Variants in MPRIP observed in about 807,000 individuals in gnomAD.
MPRIP encodes the protein myosin phosphatase Rho-interacting protein.
MPRIP carries 59 observed loss-of-function variants against 234.9 expected under a neutral mutation model. The ratio of observed to expected loss-of-function variants is 0.25; its 90% confidence interval spans 0.20 to 0.31. The LOEUF (loss-of-function observed/expected upper bound fraction) is 0.31. Ranked by LOEUF, MPRIP falls within the 10% of genes least tolerant of loss-of-function variation. The probability of loss-of-function intolerance (pLI) is 1.00; values close to 1 mark genes in which losing one functional copy is unlikely to be tolerated. For synonymous variants in MPRIP, 1,144 were observed against 1,263.9 expected (o/e 0.91, Z 2.01); for missense variants, 2,436 against 3,071.0 (o/e 0.79, Z 4.89).
intron 1 of MPRIP, among the ~76,000 whole-genome samples, chr17:17,052,153 C>T (rs899090755): frequency 2.6e-5 from 4 of 152,200 alleles, no homozygotes; most frequent in Admixed American, 6.5e-5. Context: ...AGCAATGGGG[C>T]CGTGATACAG....
At chr17:17,117,306 A>G (rs1766925701) in intron 3 of MPRIP, among the ~76,000 whole-genome samples, 2 of 152,366 alleles carry the variant, frequency 1.3e-5, no homozygotes, top group South Asian at 4.1e-4. Context: ...GTCTTGTGAC[A>G]GAAGGGGGTA....
chr17:17,155,884 C>T (rs957925674), intron 13 of MPRIP, among the ~76,000 whole-genome samples: 1 of 152,236 alleles, frequency 6.6e-6, no homozygotes, highest in African/African-American at 2.4e-5. Flanking sequence ...GCTACTGCTT[C>T]CATGGCTCTC....
intron 3 of MPRIP, among the ~76,000 whole-genome samples, chr17:17,099,465 G>C (rs973124950): frequency 7.2e-5 from 11 of 152,160 alleles, no homozygotes; most frequent in Non-Finnish European, 1.0e-4. Flanking sequence ...ATGTAGACAA[G>C]AGCCAGGCAC....
chr17:17,166,545 C>G lies in MPRIP; in HGVS notation c.4954C>G (p.Gln1652Glu), dbSNP rs1250438396. 3 of 1,304,130 alleles carry G rather than the reference C, an allele frequency of 2.3e-6. No homozygotes were observed. The African/African-American group carries it at 4.6e-5, about 20-fold the overall frequency. The allele number at this position is 1,304,130 out of a possible 1,614,324, so 80.8% of individuals were successfully genotyped here. The change falls in exon 16 of 24, where the codon CAA (glutamine) becomes GAA (glutamate). Residue 1652 changes from glutamine (Q) to glutamate (E), a missense_variant. By Grantham distance (29) the Gln-to-Glu change is conservative. This residue lies in a region of MPRIP where 1,998 missense variants were observed against 2,520.3 expected (regional missense o/e 0.79). Coordinates refer to ENST00000651222, the MANE Select transcript of MPRIP (RefSeq NM_001364716.4). The surrounding 1 kb of genome is among the most constrained non-coding windows in gnomAD (Gnocchi z 4.4). ...EAVGASGDGQ[Q>E]SIPQGLAPIL... ...AGTCGGTGCCTCAGGAGACGGGCAGCAAAGCATCCCACAGGGCCTGGCCCC... is the reference window on the plus strand; with the variant it reads ...AGTCGGTGCCTCAGGAGACGGGCAGGAAAGCATCCCACAGGGCCTGGCCCC...
intron 1 of MPRIP, chr17:17,058,086 C>T: frequency 4.1e-6 from 1 of 244,804 alleles, no homozygotes. Flanking sequence ...ATGGGTAGCT[C>T]AGGCATTGCC....
intron 1 of MPRIP, among the ~76,000 whole-genome samples, chr17:17,052,605 A>G (rs955662617): frequency 6.6e-6 from 1 of 152,198 alleles, no homozygotes; most frequent in Non-Finnish European, 1.5e-5. Flanking sequence ...CTTTGCTATC[A>G]GGAACAGGGC....
At chr17:17,128,530 G>A (rs1368892774) in intron 4 of MPRIP, among the ~76,000 whole-genome samples, 2 of 152,074 alleles carry the variant, frequency 1.3e-5, no homozygotes, top group Non-Finnish European at 2.9e-5. Flanking sequence ...ATGCAGCTTG[G>A]GTAGACAAGA....
chr17:17,126,195 G>A (rs1162939989), intron 3 of MPRIP, among the ~76,000 whole-genome samples: 1 of 152,214 alleles, frequency 6.6e-6, no homozygotes. Context: ...GCCCTGGGAA[G>A]GTGCCGTGGG....
intron 3 of MPRIP, among the ~76,000 whole-genome samples, chr17:17,085,057 A>C (rs959836473): frequency 2.0e-5 from 3 of 152,162 alleles, no homozygotes; most frequent in African/African-American, 7.2e-5. Context: ...GTCATGTTTC[A>C]GCCTTGCCCT....
chr17:17,058,175 C>T (rs1277053852), intron 1 of MPRIP, among the ~76,000 whole-genome samples: 1 of 152,194 alleles, frequency 6.6e-6, no homozygotes, highest in East Asian at 1.9e-4. Flanking sequence ...GCTTTTCTGA[C>T]TCCTCTCCAC....
At chr17:17,119,315 C>G (rs1056618234) in intron 3 of MPRIP, among the ~76,000 whole-genome samples, 1 of 152,244 alleles carries the variant, frequency 6.6e-6, no homozygotes, top group African/African-American at 2.4e-5. Context: ...CAGTGAAGTG[C>G]CAGGCTGAAG....
At chr17:17,074,448 T>C (rs922225549) in intron 1 of MPRIP, among the ~76,000 whole-genome samples, 1 of 152,252 alleles carries the variant, frequency 6.6e-6, no homozygotes, top group African/African-American at 2.4e-5. Context: ...GGCCAGACAC[T>C]GTGCTCAGTG....
intron 1 of MPRIP, among the ~76,000 whole-genome samples, chr17:17,049,092 A>G (rs541603017): frequency 1.4e-4 from 21 of 152,352 alleles, no homozygotes; most frequent in African/African-American, 4.8e-4. Context: ...GTCATGTGTC[A>G]CATACTGTGT....
At chr17:17,128,467 T>C (rs2090535339) in intron 4 of MPRIP, among the ~76,000 whole-genome samples, 1 of 152,196 alleles carries the variant, frequency 6.6e-6, no homozygotes, top group Admixed American at 6.5e-5. Context: ...CAAGCCCCTC[T>C]CCTGGGTCAC....
At chr17:17,076,772 C>T (rs539343487) in intron 2 of MPRIP, among the ~76,000 whole-genome samples, 2 of 152,160 alleles carry the variant, frequency 1.3e-5, no homozygotes, top group African/African-American at 4.8e-5. Flanking sequence ...GGAGTAGTTC[C>T]CTTTCCTATT....
chr17:17,151,009 CTTATTATTATTATTA>C (rs57859773), intron 12 of MPRIP, among the ~76,000 whole-genome samples: 3 of 145,340 alleles, frequency 2.1e-5, no homozygotes, highest in Admixed American at 6.9e-5. Context: ...CCATGCCCAG[CTTATTATTATTATTA>C]TTATTATTAT....
intron 17 of MPRIP, 113 bp downstream of exon 17, chr17:17,171,978 C>G: frequency 8.0e-7 from 1 of 1,242,522 alleles, no homozygotes; most frequent in Non-Finnish European, 1.1e-6. Context: ...GAGATGTAAA[C>G]TTCATTGTTG....
At chr17:17,172,124 T>A (rs1410277191) in intron 17 of MPRIP, among the ~76,000 whole-genome samples, 2 of 152,238 alleles carry the variant, frequency 1.3e-5, no homozygotes, top group African/African-American at 4.8e-5. Flanking sequence ...TGTCCCAACC[T>A]GTGACTTTCC....
chr17:17,163,804 T>C (rs991214637), intron 15 of MPRIP, among the ~76,000 whole-genome samples: 5 of 152,230 alleles, frequency 3.3e-5, no homozygotes. Context: ...AGTCTTTGTT[T>C]TGCTTCTTAG....
Sources: allele counts gnomAD v4.1 joint callset (sites outside exome capture counted in the v4.1 genomes callset), GRCh38; gene constraint gnomAD v4.1.1; regional missense constraint gnomAD v4.1.1; non-coding constraint Gnocchi (gnomAD v3.1); transcripts MANE v1.5; gene names NCBI Gene and HGNC (gene_info 2026-07-23, HGNC 2026-07-21).